The following CRAMP1 variants were observed in gnomAD, a reference collection of about 807,000 sequenced individuals.
The protein encoded by CRAMP1 is cramped chromatin regulator 1.
A neutral mutation model predicts 115.4 loss-of-function variants in CRAMP1; 50 were observed. That is an observed-to-expected ratio of 0.43 (90% CI 0.35 to 0.55). The LOEUF (loss-of-function observed/expected upper bound fraction) is 0.55. Ranked by LOEUF, CRAMP1 falls within the 20% of genes least tolerant of loss-of-function variation. The probability of loss-of-function intolerance (pLI) is 0.01; values close to 1 mark genes in which losing one functional copy is unlikely to be tolerated. For synonymous variants in CRAMP1, 866 were observed against 745.4 expected, an observed-to-expected ratio of 1.16 and a Z score of -2.64; for missense variants, 1,679 against 1,721.7, an observed-to-expected ratio of 0.98 and a Z score of 0.44.
chr16:1,677,898 T>A lies in CRAMP1; in HGVS notation c.*3853T>A, dbSNP rs2036983994. 1 of 170,910 alleles carries A rather than the reference T, an allele frequency of 5.9e-6. No homozygotes were observed. Among genetic ancestry groups the A allele is most frequent in the Non-Finnish European group, 1.2e-5 (1 of 80,412 alleles). 10.6% of individuals were successfully genotyped at this position (170,910 alleles called of 1,614,324 possible). On this transcript the variant is annotated 3_prime_UTR_variant, in exon 21 of 21. Coordinates refer to ENST00000397412, the MANE Select transcript of CRAMP1 (RefSeq NM_020825.4). ...TTTATTGTGCATAAATACATACTAA[T>A]GTTGATCTAAGGACTGTCGTTTGTG...
In CRAMP1 at chr16:1,656,098, C is replaced by G. The variant is rs1403816425; in HGVS notation, c.1341C>G (p.Ile447Met). ...KDAHVLPPAQ[I>M]LGIQSGQGTA... ...CCCACGTGCTGCCCCCAGCCCAGAT[C>G]CTGGGCATCCAGAGTGGGCAGGGCA... Residue 447 changes from isoleucine (I) to methionine (M), a missense_variant, in exon 10 of 21, where the codon ATC becomes ATG. Ile to Met is a conservative substitution (Grantham distance 10). Transcript: ENST00000397412. This position sits in a 1 kb window ranked among gnomAD's most constrained non-coding sequence, Gnocchi z 5.6. 1.9e-6 allele frequency: 3 copies of G among 1,609,876 alleles called. No individual in the cohort carries two copies. Among genetic ancestry groups the G allele is most frequent in the African/African-American group, 2.7e-5 (2 of 75,026 alleles).
Position 1,667,428 on chromosome 16 carries a change from A to G in CRAMP1, c.3102+28A>G, listed in dbSNP as rs1421552904. 3.2e-6 allele frequency: 5 copies of G among 1,586,890 alleles called. No individual in the cohort carries two copies. In the South Asian group the frequency reaches 3.3e-5, roughly 11 times the overall value. On this transcript the variant is annotated intron_variant, in intron 17 of 20. Transcript: ENST00000397412. ...AGAGTGTGCTCTTGGGCTGCTGAGCAAAGCAGCTGCCCCAGGACTCCCTCC... is the reference window on the plus strand; with the variant it reads ...AGAGTGTGCTCTTGGGCTGCTGAGCGAAGCAGCTGCCCCAGGACTCCCTCC...
intron 2 of CRAMP1, chr16:1,625,716 T>C (rs910425613): frequency 5.7e-5 from 23 of 404,808 alleles, no homozygotes; most frequent in Non-Finnish European, 8.9e-5. Flanking sequence ...ATTGTGCTGT[T>C]ACATGGTTCC....
chr16:1,626,282 A>AC, intron 3 of CRAMP1, 116 bp downstream of exon 3: 1 of 1,015,488 alleles, frequency 9.8e-7, no homozygotes, highest in Non-Finnish European at 1.4e-6. Flanking sequence ...TTCCTGGGCG[A>AC]CCCCCGCAGT....
intron 8 of CRAMP1, among the ~76,000 whole-genome samples, chr16:1,654,859 A>C (rs142014681): frequency 1.3e-5 from 2 of 152,166 alleles, no homozygotes. Flanking sequence ...TCTCCCTCAG[A>C]ATGTATTAAC....
chr16:1,642,053 G>A (rs906185625), intron 6 of CRAMP1, among the ~76,000 whole-genome samples: 1 of 152,232 alleles, frequency 6.6e-6, no homozygotes, highest in African/African-American at 2.4e-5. Context: ...GAGCTATCCC[G>A]GCAGCCTGGC....
chr16:1,620,790 A>G (rs74702118), intron 2 of CRAMP1: 28,357 of 435,696 alleles, frequency 0.065, 1,344 homozygotes, highest in East Asian at 0.2. Flanking sequence ...GTGACAGGAC[A>G]GTGTGCGCTG....
chr16:1,619,347 A>AT (rs1188695183), intron 2 of CRAMP1, among the ~76,000 whole-genome samples: 5 of 151,846 alleles, frequency 3.3e-5, no homozygotes, highest in South Asian at 4.2e-4. Flanking sequence ...CACCCGACTA[A>AT]TTTTTTTTAT....
rs751080703 is a variant in CRAMP1, at chr16:1,655,991, G to A, written c.1234G>A (p.Val412Met). ...ENCTLTPLPG[V>M]ARVVHSKAFC... ...CTGTACACTGACACCGCTGCCGGGC[G>A]TGGCTCGCGTGGTGCACTCCAAGGC... Residue 412 changes from valine (V) to methionine (M), a missense_variant, in exon 10 of 21, where the codon GTG becomes ATG. Val to Met is a conservative substitution (Grantham distance 21, BLOSUM62 1). Coordinates refer to ENST00000397412, the MANE Select transcript of CRAMP1 (RefSeq NM_020825.4). The A allele has an allele frequency of 6.2e-6, 10 of 1,612,830 alleles. No homozygotes were observed. Among genetic ancestry groups the A allele is most frequent in the East Asian group, 2.2e-5 (1 of 44,888 alleles).
intron 5 of CRAMP1, among the ~76,000 whole-genome samples, chr16:1,640,884 T>C (rs1596488049): frequency 6.6e-6 from 1 of 151,928 alleles, no homozygotes; most frequent in East Asian, 1.9e-4. Flanking sequence ...AGAGGCTGGG[T>C]AGTGGGCCTG....
At chr16:1,619,792 G>T (rs2036450974) in intron 2 of CRAMP1, among the ~76,000 whole-genome samples, 1 of 152,208 alleles carries the variant, frequency 6.6e-6, no homozygotes, top group African/African-American at 2.4e-5. Context: ...GACAGTATGA[G>T]TGACTCCCAG....
chr16:1,632,193 C>T lies in CRAMP1; in HGVS notation c.541-19C>T. On this transcript the variant is annotated intron_variant, in intron 3 of 20. Transcript: ENST00000397412. ...ATTGTTTTAACCCCTCTACATTTAT[C>T]ATGGAATTTATTTTCCAGCATGGGA... 1 of 1,551,018 alleles carries T rather than the reference C, an allele frequency of 6.4e-7. No homozygotes were observed. Among genetic ancestry groups the T allele is most frequent in the Non-Finnish European group, 8.7e-7 (1 of 1,146,326 alleles).
chr16:1,656,749 C>G lies in CRAMP1; in HGVS notation c.1992C>G (p.Val664=), dbSNP rs2036779465. 2.6e-6 allele frequency: 4 copies of G among 1,548,516 alleles called. No individual in the cohort carries two copies. Among genetic ancestry groups the G allele is most frequent in the Non-Finnish European group, 2.6e-6 (3 of 1,145,632 alleles). ...GQPAARPPKE[V]PASRLAQQLR... ...CTGCCGCCAGGCCCCCGAAGGAGGT[C>G]CCCGCCAGCCGGCTGGCTCAGCAGC... The change falls in exon 10 of 21, where the codon GTC becomes GTG. Residue 664 remains valine (V), a synonymous_variant. Coordinates refer to ENST00000397412, the MANE Select transcript of CRAMP1 (RefSeq NM_020825.4). This position sits in a 1 kb window ranked among gnomAD's most constrained non-coding sequence, Gnocchi z 5.6.
At chr16:1,663,405 ATC>A (rs2036849156) in intron 13 of CRAMP1, among the ~76,000 whole-genome samples, 2 of 151,864 alleles carry the variant, frequency 1.3e-5, no homozygotes, top group African/African-American at 2.4e-5. Flanking sequence ...ACTCTTAGAA[ATC>A]TCTTTCTCCC....
At position 1,614,836 on chromosome 16, in the gene CRAMP1, C is replaced by T. The variant is rs1596479604; in HGVS notation, c.197C>T (p.Pro66Leu). 2 of 1,276,024 alleles carry T rather than the reference C, an allele frequency of 1.6e-6. No individual in the cohort carries two copies. The highest frequency in any genetic ancestry group is 2.0e-6 in the Non-Finnish European group (2 of 1,015,608). 79.0% of individuals were successfully genotyped at this position (1,276,024 alleles called of 1,614,324 possible). A position where few individuals can be genotyped will look rare whatever the true frequency, so the allele number is the denominator to read the frequency against. Residue 66 changes from proline (P) to leucine (L), a missense_variant, in exon 2 of 21, where the codon CCG becomes CTG. By Grantham distance (98) the Pro-to-Leu change is moderately conservative. Coordinates refer to ENST00000397412, the MANE Select transcript of CRAMP1 (RefSeq NM_020825.4). The surrounding 1 kb of genome is among the most constrained non-coding windows in gnomAD (Gnocchi z 4.4). ...ADGPPAPPGAPQAPSPPQGSP... is the reference protein window; with the variant it reads ...ADGPPAPPGALQAPSPPQGSP... Reference sequence around the variant, plus strand: ...GGCCCCCCCGCGCCCCCCGGCGCGCCGCAGGCGCCGTCCCCGCCGCAGGGC... The same window carrying T: ...GGCCCCCCCGCGCCCCCCGGCGCGCTGCAGGCGCCGTCCCCGCCGCAGGGC...
chr16:1,649,476 T>C (rs553055824), intron 6 of CRAMP1, among the ~76,000 whole-genome samples: 21 of 150,682 alleles, frequency 1.4e-4, no homozygotes, highest in Admixed American at 7.3e-4. Context: ...TTTGGCCTTA[T>C]TTATTTCTAT....
At position 1,656,405 on chromosome 16, in the gene CRAMP1, G is replaced by A; in HGVS notation, c.1648G>A (p.Asp550Asn). The change falls in exon 10 of 21, where the codon GAC becomes AAC. Residue 550 changes from aspartate (D) to asparagine (N), a missense_variant. Asp to Asn is a conservative substitution (Grantham distance 23). This residue lies in a region of CRAMP1 where 405 missense variants were observed against 302.6 expected (regional missense o/e 1.34). Transcript: ENST00000397412. The surrounding 1 kb of genome is among the most constrained non-coding windows in gnomAD (Gnocchi z 5.6). ...GCCGTGTGCCTGTGGCCAGCTCCCA[G>A]ACCTGGAGGACGAGCTCTCGCTTCT... is the stretch of plus-strand genomic sequence containing the variant. ...ALPCACGQLPDLEDELSLLDP... is the reference protein window; with the variant it reads ...ALPCACGQLPNLEDELSLLDP... 1 of 1,591,334 alleles carries A rather than the reference G, an allele frequency of 6.3e-7. No individual in the cohort carries two copies. The highest frequency in any genetic ancestry group is 8.6e-7 in the Non-Finnish European group (1 of 1,169,098).
chr16:1,657,514 T>C (rs1238859861), intron 10 of CRAMP1, among the ~76,000 whole-genome samples: 1 of 152,104 alleles, frequency 6.6e-6, no homozygotes, highest in Non-Finnish European at 1.5e-5. Context: ...GAACGATGGG[T>C]GTAGTTCTTG....
At chr16:1,624,603 G>A (rs1011158615) in intron 2 of CRAMP1, among the ~76,000 whole-genome samples, 4 of 151,676 alleles carry the variant, frequency 2.6e-5, no homozygotes, top group Admixed American at 6.6e-5. Flanking sequence ...TTTTTTAGAC[G>A]CAGTCTTGCT....
Sources: allele counts gnomAD v4.1 joint callset (sites outside exome capture counted in the v4.1 genomes callset), GRCh38; gene constraint gnomAD v4.1.1; regional missense constraint gnomAD v4.1.1; non-coding constraint Gnocchi (gnomAD v3.1); transcripts MANE v1.5; gene names NCBI Gene and HGNC (gene_info 2026-07-23, HGNC 2026-07-21).